Variants in DLGAP2 observed in about 807,000 individuals in gnomAD.
DLGAP2 encodes the protein DLG associated protein 2.
A neutral mutation model predicts 100.3 loss-of-function variants in DLGAP2; 26 were observed. That is an observed-to-expected ratio of 0.26 (90% confidence interval 0.19 to 0.36). The LOEUF (loss-of-function observed/expected upper bound fraction) is 0.36, where lower values mean the gene tolerates loss of function less well. Among genes scored for constraint, DLGAP2 ranks in the 10% least tolerant of loss-of-function variants. DLGAP2 has a pLI of 1.00. For synonymous variants in DLGAP2, 886 were observed against 630.1 expected (o/e 1.41, Z -6.08); for missense variants, 1,858 against 1,453.2 (o/e 1.28, Z -4.53).
At chr8:1,269,501 T>C (rs772429393) in intron 3 of DLGAP2, among the ~76,000 whole-genome samples, 2 of 152,218 alleles carry the variant, frequency 1.3e-5, no homozygotes, top group Non-Finnish European at 2.9e-5. Flanking sequence ...TGTCTGTTTA[T>C]GTGACTGGGA....
intron 2 of DLGAP2, among the ~76,000 whole-genome samples, chr8:1,046,322 G>A (rs572616622): frequency 1.3e-5 from 2 of 152,256 alleles, no homozygotes; most frequent in South Asian, 2.1e-4. Flanking sequence ...GCATGTGACC[G>A]AGGGCCATGC....
chr8:1,263,020 C>T (rs953940654), intron 3 of DLGAP2, among the ~76,000 whole-genome samples: 2 of 152,064 alleles, frequency 1.3e-5, no homozygotes, highest in Admixed American at 6.5e-5. Context: ...TCCACAGTGA[C>T]GTATTAACAG....
chr8:1,106,263 G>A (rs1460019876), intron 2 of DLGAP2, among the ~76,000 whole-genome samples: 3 of 138,718 alleles, frequency 2.2e-5, no homozygotes, highest in African/African-American at 5.4e-5. Context: ...TTGAAGGAGG[G>A]CATTCTAGGA....
In DLGAP2 at chr8:784,807, G is replaced by C. The variant is rs192707046; in HGVS notation, c.18+46982G>C. On this transcript the variant is annotated intron_variant, in intron 1 of 14. Transcript: ENST00000637795. Reference sequence around the variant, plus strand: ...AAAGACCCAGTGTCATAATTAACATGGGAAAGGTACAATAAGCCGCATCTT... The same window carrying C: ...AAAGACCCAGTGTCATAATTAACATCGGAAAGGTACAATAAGCCGCATCTT... Among the ~76,000 whole-genome samples, 270 of 152,262 alleles carry C rather than the reference G, an allele frequency of 1.8e-3. 2 individuals carry two copies. Among genetic ancestry groups the C allele is most frequent in the African/African-American group, 6.4e-3 (264 of 41,556 alleles).
intron 1 of DLGAP2, among the ~76,000 whole-genome samples, chr8:859,430 T>A (rs1280112528): frequency 1.3e-5 from 2 of 152,118 alleles, no homozygotes; most frequent in African/African-American, 2.4e-5. Flanking sequence ...GTCTTCTAAT[T>A]GGAGTTTAGG....
chr8:1,024,863 A>C (rs887671210), intron 2 of DLGAP2, among the ~76,000 whole-genome samples: 1 of 152,172 alleles, frequency 6.6e-6, no homozygotes, highest in Non-Finnish European at 1.5e-5. Flanking sequence ...TCCATTTCCC[A>C]ACTGCAGCCC....
rs36126555 is a variant in DLGAP2, at chr8:1,678,376, G to A, written c.2451G>A (p.Ala817=). The change falls in exon 12 of 15, where the codon GCG becomes GCA. Residue 817 remains alanine, a synonymous_variant. Coordinates refer to ENST00000637795, the MANE Select transcript of DLGAP2 (RefSeq NM_001346810.2). ...CCAGCACCCCCACCCAGTACAGCGCGGTGAGAACTGTACGGACCCAGGGGC... is the reference window on the plus strand; with the variant it reads ...CCAGCACCCCCACCCAGTACAGCGCAGTGAGAACTGTACGGACCCAGGGGC... The part of the protein sequence containing the change: ...SEPSTPTQYS[A]VRTVRTQGLF... 603 of 1,613,936 alleles carry A rather than the reference G, an allele frequency of 3.7e-4. 2 individuals carry two copies. In the African/African-American group the frequency reaches 6.6e-3, roughly 18 times the overall value.
At chr8:993,699 C>G (rs1800696607) in intron 2 of DLGAP2, among the ~76,000 whole-genome samples, 1 of 151,130 alleles carries the variant, frequency 6.6e-6, no homozygotes, top group Non-Finnish European at 1.5e-5. Context: ...ACTCGTGCCT[C>G]TCAGGGATAT....
intron 9 of DLGAP2, among the ~76,000 whole-genome samples, chr8:1,669,529 C>T (rs924261506): frequency 6.6e-6 from 1 of 152,226 alleles, no homozygotes; most frequent in African/African-American, 2.4e-5. Context: ...TTCCTTTTAC[C>T]CCTTCATTCA....
chr8:868,057 G>T (rs1299854023), intron 1 of DLGAP2, among the ~76,000 whole-genome samples: 1 of 152,124 alleles, frequency 6.6e-6, no homozygotes, highest in Non-Finnish European at 1.5e-5. Flanking sequence ...CAAATTATTT[G>T]TAGGTGTCAG....
At chr8:1,179,042 G>C (rs896762473) in intron 2 of DLGAP2, among the ~76,000 whole-genome samples, 1 of 152,236 alleles carries the variant, frequency 6.6e-6, no homozygotes, top group African/African-American at 2.4e-5. Context: ...TCTATAAGGG[G>C]TTGAGTTTTA....
At chr8:1,055,199 G>A (rs944916157) in intron 2 of DLGAP2, among the ~76,000 whole-genome samples, 7 of 152,182 alleles carry the variant, frequency 4.6e-5, no homozygotes, top group African/African-American at 1.2e-4. Flanking sequence ...GTGTGATTAT[G>A]TGATGACATT....
At chr8:767,358 T>G (rs1262223432) in intron 1 of DLGAP2, among the ~76,000 whole-genome samples, 6 of 150,232 alleles carry the variant, frequency 4.0e-5, no homozygotes, top group Non-Finnish European at 8.9e-5. Context: ...GTTTTTTTTT[T>G]TTTTTTTTTT....
chr8:1,143,632 G>A (rs1796558412), intron 2 of DLGAP2, among the ~76,000 whole-genome samples: 1 of 152,226 alleles, frequency 6.6e-6, no homozygotes, highest in Non-Finnish European at 1.5e-5. Flanking sequence ...GCATCTGAGA[G>A]GCTTCAGAAC....
At chr8:907,877 T>A in intron 1 of DLGAP2, 35 bp from the exon 2 acceptor site, 1 of 398,836 alleles carries the variant, frequency 2.5e-6, no homozygotes, top group Non-Finnish European at 4.4e-6. Flanking sequence ...ACGCGAATGA[T>A]AACAAATGTA....
intron 2 of DLGAP2, among the ~76,000 whole-genome samples, chr8:1,200,525 G>C (rs1347851642): frequency 6.6e-6 from 1 of 152,158 alleles, no homozygotes; most frequent in Non-Finnish European, 1.5e-5. Context: ...GATGCTGATT[G>C]TTCTCTGGTC....
chr8:750,152 G>A (rs373339089), intron 1 of DLGAP2, among the ~76,000 whole-genome samples: 25 of 152,344 alleles, frequency 1.6e-4, no homozygotes, highest in African/African-American at 5.8e-4. Flanking sequence ...CCTAGGGCCG[G>A]TTAGGCCGGC....
rs1030978234 is a variant in DLGAP2, at chr8:1,267,290, G to C, written c.106+8407G>C. 1.5e-4 allele frequency among the ~76,000 whole-genome samples: 23 copies of C among 149,792 alleles called. 1 individual carries two copies. Among genetic ancestry groups the C allele is most frequent in the African/African-American group, 5.6e-4 (23 of 40,854 alleles). On this transcript the variant is annotated intron_variant, in intron 3 of 14. Coordinates refer to ENST00000637795, the MANE Select transcript of DLGAP2 (RefSeq NM_001346810.2). ...AAATAAAATAAAATAAAAAGGTCTG[G>C]GTGCAGTGGCTCACGCCTGTAATTC...
chr8:1,695,556 G>A (rs35655444), intron 13 of DLGAP2, among the ~76,000 whole-genome samples: 11 of 141,276 alleles, frequency 7.8e-5, no homozygotes, highest in Admixed American at 3.5e-4. Flanking sequence ...AGAGGGCACA[G>A]CCATGCCCGG....
Sources: gnomAD v4.1 joint callset for allele counts (sites outside exome capture counted in the v4.1 genomes callset) on GRCh38, gnomAD v4.1.1 for gene constraint, MANE v1.5 for transcripts, NCBI Gene and HGNC (gene_info 2026-07-23, HGNC 2026-07-21) for gene names.